The following INPP5D variants were observed in gnomAD, a reference collection of about 807,000 sequenced individuals.
The protein encoded by INPP5D is phosphatidylinositol 3,4,5-trisphosphate 5-phosphatase 1.
Under a neutral mutation model 122.9 loss-of-function variants are expected in INPP5D, and 33 were observed. That is an observed-to-expected ratio of 0.27 (90% CI 0.20 to 0.36). INPP5D has a LOEUF of 0.36. Ranked by LOEUF, INPP5D falls within the 10% of genes least tolerant of loss-of-function variation. INPP5D has a pLI of 1.00. For missense variants in INPP5D, 1,053 were observed against 1,412.7 expected, an observed-to-expected ratio of 0.75 and a Z score of 4.08; for synonymous variants, 584 against 576.2, an observed-to-expected ratio of 1.01 and a Z score of -0.19.
chr2:233,061,356 C>G (rs1369915320), intron 1 of INPP5D, among the ~76,000 whole-genome samples: 1 of 152,080 alleles, frequency 6.6e-6, no homozygotes, highest in African/African-American at 2.4e-5. Context: ...TCTAAAACCC[C>G]CTTCCTGTCC....
chr2:233,062,793 C>T (rs530515773), intron 1 of INPP5D, among the ~76,000 whole-genome samples: 3 of 152,232 alleles, frequency 2.0e-5, no homozygotes, highest in Admixed American at 2.0e-4. Flanking sequence ...CACTGTAGGC[C>T]GTGGGTTGCT....
chr2:233,157,947 A>C (rs888319283), intron 9 of INPP5D, among the ~76,000 whole-genome samples: 2 of 152,190 alleles, frequency 1.3e-5, no homozygotes, highest in Non-Finnish European at 2.9e-5. Flanking sequence ...ATATAAATTA[A>C]AAACAAAGCA....
At position 233,204,775 on chromosome 2, in the gene INPP5D, C is replaced by CGTAT. The variant is rs1387437608; in HGVS notation, c.3567+61_3567+64dup. The CGTAT allele has an allele frequency of 2.4e-5, 34 of 1,416,238 alleles. No individual in the cohort carries two copies. The East Asian group carries it at 7.9e-4, about 33-fold the overall frequency. 87.7% of individuals were successfully genotyped at this position (1,416,238 alleles called of 1,614,324 possible). ...TTGTGTGTGTGTGCATGCGTGAGTG[C>CGTAT]GTATGTGTGTACCTATGCATATGTG... On this transcript the variant is annotated intron_variant, in intron 26 of 26. Coordinates refer to ENST00000445964, the MANE Select transcript of INPP5D (RefSeq NM_001017915.3).
chr2:233,151,014 C>A (rs142339885), intron 9 of INPP5D, among the ~76,000 whole-genome samples: 78,685 of 151,812 alleles, frequency 0.52, 20,992 homozygotes, highest in East Asian at 0.67. Flanking sequence ...AGAGAGAAGC[C>A]GCTGGGCACG....
intron 8 of INPP5D, among the ~76,000 whole-genome samples, 170 bp downstream of exon 8, chr2:233,146,608 A>G (rs1010038853): frequency 1.3e-5 from 2 of 152,236 alleles, no homozygotes; most frequent in African/African-American, 4.8e-5. Flanking sequence ...TGGCGGTTCA[A>G]CGTCAGAACG....
chr2:233,071,912 T>A (rs1691392169), intron 1 of INPP5D, among the ~76,000 whole-genome samples: 1 of 152,246 alleles, frequency 6.6e-6, no homozygotes. Flanking sequence ...GGGATTTTCT[T>A]GTTTGACTCT....
intron 13 of INPP5D, among the ~76,000 whole-genome samples, 196 bp from the exon 14 acceptor site, chr2:233,169,109 G>A (rs1474295385): frequency 2.0e-5 from 3 of 152,010 alleles, no homozygotes; most frequent in Non-Finnish European, 2.9e-5. Flanking sequence ...TGAGGCTGCC[G>A]CCATCTGCAC....
chr2:233,094,473 A>G (rs991823783), intron 2 of INPP5D, among the ~76,000 whole-genome samples: 1 of 123,274 alleles, frequency 8.1e-6, no homozygotes, highest in Non-Finnish European at 1.6e-5. Context: ...AGATTGCCCC[A>G]CTGCACTCCA....
In INPP5D at chr2:233,170,425, C is replaced by T. The variant is rs1482537742; in HGVS notation, c.1792-71C>T. 1.3e-5 allele frequency: 21 copies of T among 1,598,758 alleles called. No individual in the cohort carries two copies. The highest frequency in any genetic ancestry group is 1.7e-5 in the Non-Finnish European group (20 of 1,172,060). On this transcript the variant is annotated intron_variant, in intron 15 of 26. Transcript: ENST00000445964. The surrounding 1 kb of genome is among the most constrained non-coding windows in gnomAD (Gnocchi z 4.5). ...CCCGGGTCATCCAGCTGCCCGCCCC[C>T]AGCCCCGAAGCTTGTCAGGCCTGGA...
intron 18 of INPP5D, among the ~76,000 whole-genome samples, chr2:233,182,146 G>A: frequency 6.6e-6 from 1 of 152,094 alleles, no homozygotes; most frequent in East Asian, 1.9e-4. Context: ...AAATCTCCAT[G>A]GTTCACACTC....
At position 233,122,259 on chromosome 2, in the gene INPP5D, T is replaced by TAGGG. The variant is rs767919608; in HGVS notation, c.349+12_349+15dup. ...GCGACGACCCTGAGGAGGACACAGGTAGGGAGGGAGGGACAGGACGGCAGG... is the reference window on the plus strand; with the variant it reads ...GCGACGACCCTGAGGAGGACACAGGTAGGGAGGGAGGGAGGGACAGGACGGCAGG... On this transcript the variant is annotated splice_region_variant and intron_variant, in intron 3 of 26. Coordinates refer to ENST00000445964, the MANE Select transcript of INPP5D (RefSeq NM_001017915.3). The TAGGG allele has an allele frequency of 9.3e-6, 15 of 1,612,536 alleles. No individual in the cohort carries two copies. Among genetic ancestry groups the TAGGG allele is most frequent in the Non-Finnish European group, 1.2e-5 (14 of 1,179,398 alleles).
In INPP5D at chr2:233,177,247, T is replaced by G; in HGVS notation, c.1990-18T>G. ...ATAATAAGAGGCATTTTTTAAAGCC[T>G]ATGACTTTGATTTGCAGATGAAGTA... On this transcript the variant is annotated intron_variant, in intron 17 of 26. Coordinates refer to ENST00000445964, the MANE Select transcript of INPP5D (RefSeq NM_001017915.3). The surrounding 1 kb of genome is among the most constrained non-coding windows in gnomAD (Gnocchi z 4.2). The G allele has an allele frequency of 6.2e-7, 1 of 1,613,756 alleles. No homozygotes were observed. The highest frequency in any genetic ancestry group is 1.1e-5 in the South Asian group (1 of 91,080).
intron 23 of INPP5D, among the ~76,000 whole-genome samples, chr2:233,195,167 A>T (rs573568939): frequency 6.6e-6 from 1 of 152,288 alleles, no homozygotes; most frequent in South Asian, 2.1e-4. Context: ...TGGAAATGTC[A>T]CATGAAATGG....
At chr2:233,060,637 G>C (rs761024465) in intron 1 of INPP5D, 25 bp downstream of exon 1, 10 of 1,612,804 alleles carry the variant, frequency 6.2e-6, no homozygotes, top group Non-Finnish European at 8.5e-6. Flanking sequence ...CTCCCTCCCC[G>C]GGCACAGATA....
chr2:233,154,568 CAA>C (rs1223580760), intron 9 of INPP5D, among the ~76,000 whole-genome samples: 1 of 152,210 alleles, frequency 6.6e-6, no homozygotes, highest in Non-Finnish European at 1.5e-5. Context: ...CTCAAAATTA[CAA>C]AGTTTTCCAG....
At chr2:233,099,869 G>T (rs756545861) in intron 2 of INPP5D, among the ~76,000 whole-genome samples, 1 of 152,178 alleles carries the variant, frequency 6.6e-6, no homozygotes, top group Non-Finnish European at 1.5e-5. Context: ...AGGTTTAATG[G>T]ACTCACAGTT....
In INPP5D at chr2:233,189,776, C is replaced by G. The variant is rs1008552410; in HGVS notation, c.2359-74C>G. 20 of 1,570,766 alleles carry G rather than the reference C, an allele frequency of 1.3e-5. No homozygotes were observed. The Admixed American group carries it at 2.6e-4, about 20-fold the overall frequency. ...TAAGAACACCTTTCGTCATCTTCATCCACTTGTCCACCCACCTGTCCCCTC... is the reference window on the plus strand; with the variant it reads ...TAAGAACACCTTTCGTCATCTTCATGCACTTGTCCACCCACCTGTCCCCTC... On this transcript the variant is annotated intron_variant, in intron 21 of 26. Coordinates refer to ENST00000445964, the MANE Select transcript of INPP5D (RefSeq NM_001017915.3). This position sits in a 1 kb window ranked among gnomAD's most constrained non-coding sequence, Gnocchi z 5.6.
intron 2 of INPP5D, among the ~76,000 whole-genome samples, chr2:233,095,817 C>A (rs1692125489): frequency 6.6e-6 from 1 of 152,086 alleles, no homozygotes; most frequent in Admixed American, 6.5e-5. Flanking sequence ...CTATTGGTAA[C>A]CCTAATGTCC....
intron 2 of INPP5D, among the ~76,000 whole-genome samples, chr2:233,111,059 T>C (rs1264359827): frequency 1.3e-5 from 2 of 152,242 alleles, no homozygotes; most frequent in African/African-American, 2.4e-5. Flanking sequence ...CAATTAATGT[T>C]TTAGCATACT....
Sources: allele counts gnomAD v4.1 joint callset (sites outside exome capture counted in the v4.1 genomes callset), GRCh38; gene constraint gnomAD v4.1.1; non-coding constraint Gnocchi (gnomAD v3.1); transcripts MANE v1.5; gene names NCBI Gene and HGNC (gene_info 2026-07-23, HGNC 2026-07-21).